Variants in GABRG3 observed in about 807,000 individuals in gnomAD.
The protein encoded by GABRG3 is gamma-aminobutyric acid receptor subunit gamma-3.
A neutral mutation model predicts 48.8 loss-of-function variants in GABRG3; 25 were observed. The ratio of observed to expected loss-of-function variants is 0.51; its 90% confidence interval spans 0.37 to 0.72. The LOEUF is 0.72. GABRG3 is among the 30% of genes least tolerant of loss of function. The pLI, the probability that GABRG3 is intolerant of heterozygous loss-of-function variation, is 0.00. For synonymous variants in GABRG3, 227 were observed against 217.6 expected (o/e 1.04, Z -0.38); for missense variants, 394 against 577.9 (o/e 0.68, Z 3.26).
At chr15:26,971,710 G>A in intron 1 of GABRG3, 122 bp downstream of exon 1, 1 of 1,130,170 alleles carries the variant, frequency 8.8e-7, no homozygotes, top group Non-Finnish European at 1.2e-6. Flanking sequence ...CGGCGGGCCG[G>A]GAGGGGACTG....
intron 6 of GABRG3, among the ~76,000 whole-genome samples, 161 bp from the exon 7 acceptor site, chr15:27,519,805 ATTAAGT>A (rs776327256): frequency 6.6e-6 from 1 of 152,218 alleles, no homozygotes; most frequent in Non-Finnish European, 1.5e-5. Flanking sequence ...TACTATGAAA[ATTAAGT>A]TTAAGAAAAC....
At chr15:26,979,320 T>C (rs1290409446) in intron 2 of GABRG3, among the ~76,000 whole-genome samples, 1 of 152,178 alleles carries the variant, frequency 6.6e-6, no homozygotes, top group Non-Finnish European at 1.5e-5. Context: ...CTCTCCAATC[T>C]GAGTATCTTT....
rs192724913 is a variant in GABRG3, at chr15:27,397,992, G to C, written c.574+69104G>C. 9.3e-4 allele frequency among the ~76,000 whole-genome samples: 141 copies of C among 152,060 alleles called. 1 individual carries two copies. The highest frequency in any genetic ancestry group is 3.3e-3 in the African/African-American group (136 of 41,466). On this transcript the variant is annotated intron_variant, in intron 5 of 9. Transcript: ENST00000615808. ...GCTAAATTTTTGTATTTTTAGTTGA[G>C]ATGGGGTTTCACCGTGTTAGCCAGG...
At chr15:27,096,555 T>G (rs907250559) in intron 3 of GABRG3, among the ~76,000 whole-genome samples, 2 of 152,258 alleles carry the variant, frequency 1.3e-5, no homozygotes, top group Non-Finnish European at 2.9e-5. Flanking sequence ...ACCAGCATTT[T>G]CCTTCTCATT....
intron 3 of GABRG3, among the ~76,000 whole-genome samples, chr15:27,031,236 C>T (rs140119569): frequency 1.3e-3 from 199 of 152,196 alleles, no homozygotes; most frequent in African/African-American, 4.5e-3. Context: ...TTATGGATTT[C>T]GACAAATGTC....
At chr15:27,102,070 A>C (rs1897370836) in intron 3 of GABRG3, among the ~76,000 whole-genome samples, 1 of 151,694 alleles carries the variant, frequency 6.6e-6, no homozygotes, top group Non-Finnish European at 1.5e-5. Flanking sequence ...GTCCATGTGA[A>C]CCAAGCCACG....
chr15:27,228,606 G>A (rs950978553), intron 3 of GABRG3, among the ~76,000 whole-genome samples: 4 of 152,148 alleles, frequency 2.6e-5, no homozygotes, highest in Non-Finnish European at 4.4e-5. Context: ...GCGTTGAATG[G>A]TCGTTCTGCT....
intron 5 of GABRG3, among the ~76,000 whole-genome samples, chr15:27,406,179 A>G (rs2140593612): frequency 6.6e-6 from 1 of 152,054 alleles, no homozygotes; most frequent in South Asian, 2.1e-4. Flanking sequence ...TAAAATATAC[A>G]CGAGTCCATA....
intron 3 of GABRG3, among the ~76,000 whole-genome samples, chr15:27,284,772 A>T (rs1191894833): frequency 6.6e-6 from 1 of 152,236 alleles, no homozygotes; most frequent in African/African-American, 2.4e-5. Flanking sequence ...TTCTTTCCTC[A>T]ACTTTGCTCC....
intron 5 of GABRG3, among the ~76,000 whole-genome samples, chr15:27,331,955 A>T (rs933819970): frequency 7.6e-6 from 1 of 131,894 alleles, no homozygotes; most frequent in Non-Finnish European, 1.5e-5. Context: ...TTATCAAATT[A>T]AAAAAAAAAA....
chr15:27,528,719 C>T (rs1315986568), intron 9 of GABRG3, among the ~76,000 whole-genome samples: 1 of 151,858 alleles, frequency 6.6e-6, no homozygotes, highest in Non-Finnish European at 1.5e-5. Flanking sequence ...TATTGTCACT[C>T]GTTTATTTTT....
chr15:27,410,931 C>A (rs529954457), intron 5 of GABRG3, among the ~76,000 whole-genome samples: 13 of 150,620 alleles, frequency 8.6e-5, no homozygotes, highest in Non-Finnish European at 1.6e-4. Context: ...TACAGGCCTG[C>A]CTTAACCTTC....
intron 3 of GABRG3, among the ~76,000 whole-genome samples, chr15:27,123,485 G>A (rs953258207): frequency 2.6e-5 from 4 of 152,176 alleles, no homozygotes; most frequent in Non-Finnish European, 5.9e-5. Flanking sequence ...ACAGGCCTTC[G>A]CCAGACACCT....
chr15:27,195,563 C>A (rs1394764576), intron 3 of GABRG3, among the ~76,000 whole-genome samples: 1 of 152,156 alleles, frequency 6.6e-6, no homozygotes, highest in African/African-American at 2.4e-5. Context: ...ATCTCTTGAC[C>A]TCATGATCTG....
At position 27,061,226 on chromosome 15, in the gene GABRG3, G is replaced by A. The variant is rs551550121; in HGVS notation, c.270+34405G>A. ...ATTGTGTACTTTTACGACCATGGCCGTGTTCATCAGGCGTCTGCTCTTACA... is the reference window on the plus strand; with the variant it reads ...ATTGTGTACTTTTACGACCATGGCCATGTTCATCAGGCGTCTGCTCTTACA... On this transcript the variant is annotated intron_variant, in intron 3 of 9. Coordinates refer to ENST00000615808, the MANE Select transcript of GABRG3 (RefSeq NM_033223.5). Among the ~76,000 whole-genome samples the A allele has an allele frequency of 3.9e-5, 6 of 152,310 alleles. No individual in the cohort carries two copies. The East Asian group carries it at 5.8e-4, about 15-fold the overall frequency.
chr15:27,328,952 T>TGACAGAAGCAGTAC, intron 5 of GABRG3, 64 bp downstream of exon 5: 2 of 1,291,142 alleles, frequency 1.5e-6, no homozygotes, highest in Non-Finnish European at 2.2e-6. Context: ...TGGTACTGCT[T>TGACAGAAGCAGTAC]CTGTCAAACA....
chr15:27,320,162 G>A (rs1265879306), intron 3 of GABRG3, among the ~76,000 whole-genome samples: 1 of 152,192 alleles, frequency 6.6e-6, no homozygotes, highest in East Asian at 1.9e-4. Flanking sequence ...GGTCGTAGCT[G>A]TGTGTTCACT....
At chr15:27,392,672 T>C (rs916476431) in intron 5 of GABRG3, among the ~76,000 whole-genome samples, 1 of 152,186 alleles carries the variant, frequency 6.6e-6, no homozygotes, top group Non-Finnish European at 1.5e-5. Context: ...ATTCTATACC[T>C]CCTGAAGGGA....
chr15:27,013,611 A>G (rs1028866467), intron 2 of GABRG3, among the ~76,000 whole-genome samples: 5 of 152,140 alleles, frequency 3.3e-5, no homozygotes, highest in African/African-American at 4.8e-5. Flanking sequence ...TCCCTGCATC[A>G]TTTATAGAGA....
Sources: allele counts gnomAD v4.1 joint callset (sites outside exome capture counted in the v4.1 genomes callset), GRCh38; gene constraint gnomAD v4.1.1; transcripts MANE v1.5; gene names NCBI Gene and HGNC (gene_info 2026-07-23, HGNC 2026-07-21).